Variants in TOX observed in about 807,000 individuals in gnomAD.
TOX encodes the protein thymocyte selection associated high mobility group box, also known as thymocyte selection-associated high mobility group box protein TOX.
In TOX, 11 loss-of-function variants were observed where a neutral mutation model predicts 53.7. The observed-to-expected ratio is 0.20, with a 90% CI of 0.13 to 0.34. The LOEUF (loss-of-function observed/expected upper bound fraction) is 0.34. Among genes scored for constraint, TOX ranks in the 10% least tolerant of loss-of-function variants. The pLI is 1.00. For missense variants in TOX, 570 were observed against 664.6 expected, an observed-to-expected ratio of 0.86 and a Z score of 1.56; for synonymous variants, 225 against 245.3, an observed-to-expected ratio of 0.92 and a Z score of 0.77.
intron 7 of TOX, chr8:58,814,407 T>C (rs932969232): frequency 2.0e-5 from 3 of 152,188 alleles, no homozygotes; most frequent in African/African-American, 4.8e-5. Context: ...AAAAATTATA[T>C]TCAGTCTCCA....
chr8:58,904,734 AG>A (rs1811785329), intron 3 of TOX, among the ~76,000 whole-genome samples: 2 of 152,206 alleles, frequency 1.3e-5, no homozygotes, highest in African/African-American at 4.8e-5. Context: ...TTATAATCAA[AG>A]CTTTAACAAA....
At chr8:58,820,150 A>G (rs1226027387) in intron 6 of TOX, among the ~76,000 whole-genome samples, 1 of 152,198 alleles carries the variant, frequency 6.6e-6, no homozygotes, top group African/African-American at 2.4e-5. Context: ...GCCTCATTCT[A>G]TAAAAAGAAA....
intron 1 of TOX, among the ~76,000 whole-genome samples, chr8:59,044,112 G>T (rs1182071350): frequency 6.6e-6 from 1 of 151,680 alleles, no homozygotes; most frequent in Non-Finnish European, 1.5e-5. Context: ...ATGCTGGGAG[G>T]TTAGCACCCA....
At chr8:58,827,162 A>C (rs1481250293) in intron 5 of TOX, among the ~76,000 whole-genome samples, 1 of 152,200 alleles carries the variant, frequency 6.6e-6, no homozygotes, top group South Asian at 2.1e-4. Flanking sequence ...TTATCTGGGT[A>C]GATATGAGTG....
In TOX at chr8:59,032,188, T is replaced by C. The variant is rs534859053; in HGVS notation, c.103-72180A>G. Among the ~76,000 whole-genome samples, 7 of 152,266 alleles carry C rather than the reference T, an allele frequency of 4.6e-5. No individual in the cohort carries two copies. The South Asian group carries it at 8.3e-4, about 18-fold the overall frequency. Reference sequence around the variant, plus strand: ...AGGAGAAGTGATGTGAGATTCAAGATGACCTTAAGGATGTAGCCCTAAGTA... The same window carrying C: ...AGGAGAAGTGATGTGAGATTCAAGACGACCTTAAGGATGTAGCCCTAAGTA... On this transcript the variant is annotated intron_variant, in intron 1 of 8. Transcript: ENST00000361421.
At chr8:59,039,063 C>A (rs1803524895) in intron 1 of TOX, among the ~76,000 whole-genome samples, 1 of 152,172 alleles carries the variant, frequency 6.6e-6, no homozygotes, top group South Asian at 2.1e-4. Flanking sequence ...GCTAAATGAC[C>A]TCTGACCTCC....
At chr8:58,857,398 T>C (rs16924102) in intron 3 of TOX, among the ~76,000 whole-genome samples, 7,631 of 152,262 alleles carry the variant, frequency 0.05, 585 homozygotes, top group African/African-American at 0.17. Flanking sequence ...CAAAACTCTG[T>C]CCATTTGAAA....
intron 1 of TOX, among the ~76,000 whole-genome samples, chr8:59,006,054 C>T (rs1458218113): frequency 2.0e-5 from 3 of 152,200 alleles, no homozygotes; most frequent in Admixed American, 2.0e-4. Flanking sequence ...CATGCTCTTG[C>T]TTAAGGATAG....
chr8:58,904,118 T>C (rs1313409860), intron 3 of TOX, among the ~76,000 whole-genome samples: 1 of 152,146 alleles, frequency 6.6e-6, no homozygotes, highest in Non-Finnish European at 1.5e-5. Context: ...AGAAAAGTGT[T>C]CAAATACACT....
At chr8:58,878,612 T>C (rs1811327193) in intron 3 of TOX, among the ~76,000 whole-genome samples, 1 of 152,248 alleles carries the variant, frequency 6.6e-6, no homozygotes, top group South Asian at 2.1e-4. Flanking sequence ...CATTTGTCTT[T>C]GATAAGAATT....
chr8:58,822,755 G>A (rs1293997728), intron 6 of TOX, among the ~76,000 whole-genome samples: 1 of 152,172 alleles, frequency 6.6e-6, no homozygotes, highest in Non-Finnish European at 1.5e-5. Context: ...TTGTTACCTC[G>A]ATAAAATGAG....
intron 1 of TOX, among the ~76,000 whole-genome samples, chr8:58,994,309 A>G (rs1813513145): frequency 6.6e-6 from 1 of 152,136 alleles, no homozygotes; most frequent in South Asian, 2.1e-4. Flanking sequence ...GAGAATGACT[A>G]GAACACACAC....
chr8:58,866,886 A>G (rs1811112692), intron 3 of TOX, among the ~76,000 whole-genome samples: 1 of 152,208 alleles, frequency 6.6e-6, no homozygotes, highest in South Asian at 2.1e-4. Flanking sequence ...GTATTTACTT[A>G]CAATTTTTGT....
chr8:59,082,101 G>A (rs1355603928), intron 1 of TOX, among the ~76,000 whole-genome samples: 1 of 151,836 alleles, frequency 6.6e-6, no homozygotes, highest in Non-Finnish European at 1.5e-5. Context: ...TCTTGTTAAT[G>A]CCATTTGGGT....
rs59540993 is a variant in TOX, at chr8:58,869,225, C to CAAAA, written c.412-17424_412-17421dup. On this transcript the variant is annotated intron_variant, in intron 3 of 8. Coordinates refer to ENST00000361421, the MANE Select transcript of TOX (RefSeq NM_014729.3). ...CTGGCAACAGAGCGAGACTGCGTCT[C>CAAAA]AAAAAAAAAAAAAAAAAAGCGTTAA... Among the ~76,000 whole-genome samples, 251 of 90,714 alleles carry CAAAA rather than the reference C, an allele frequency of 2.8e-3. 4 individuals carry two copies. Among genetic ancestry groups the CAAAA allele is most frequent in the African/African-American group, 4.3e-3 (100 of 23,446 alleles). The allele number at this position is 90,714 out of a possible 152,430, so 59.5% of individuals were successfully genotyped here. A position where few individuals can be genotyped will look rare whatever the true frequency, so the allele number is the denominator to read the frequency against.
rs891899965 is a variant in TOX, at chr8:58,846,354, C to T, written c.693+5170G>A. On this transcript the variant is annotated intron_variant, in intron 4 of 8. Coordinates refer to ENST00000361421, the MANE Select transcript of TOX (RefSeq NM_014729.3). ...CAATATAAGTACAGTTCAATGATGACAATACCAGACTTCCAAGTCCCAGTT... is the reference window on the plus strand; with the variant it reads ...CAATATAAGTACAGTTCAATGATGATAATACCAGACTTCCAAGTCCCAGTT... 2.8e-4 allele frequency among the ~76,000 whole-genome samples: 43 copies of T among 152,048 alleles called. 1 individual carries two copies. Among genetic ancestry groups the T allele is most frequent in the Admixed American group, 2.0e-3 (31 of 15,252 alleles).
chr8:58,971,755 C>T (rs959733687), intron 1 of TOX, among the ~76,000 whole-genome samples: 1 of 152,080 alleles, frequency 6.6e-6, no homozygotes, highest in African/African-American at 2.4e-5. Flanking sequence ...GCAGCGCGAT[C>T]TCAACTCACG....
intron 3 of TOX, among the ~76,000 whole-genome samples, chr8:58,875,705 G>T (rs776998904): frequency 1.3e-5 from 2 of 152,192 alleles, no homozygotes; most frequent in African/African-American, 4.8e-5. Context: ...AAAAAGAAGT[G>T]AGCAGAGGGT....
intron 2 of TOX, among the ~76,000 whole-genome samples, chr8:58,946,137 T>C (rs972059710): frequency 5.9e-5 from 9 of 152,190 alleles, no homozygotes; most frequent in Admixed American, 2.6e-4. Context: ...TAATTTTTAA[T>C]CTGTAACATA....
Sources: gnomAD v4.1 joint callset for allele counts (sites outside exome capture counted in the v4.1 genomes callset) on GRCh38, gnomAD v4.1.1 for gene constraint, MANE v1.5 for transcripts, NCBI Gene and HGNC (gene_info 2026-07-23, HGNC 2026-07-21) for gene names.